VEGFA: variants seen among roughly 807,000 people sequenced by gnomAD.
VEGFA encodes the protein vascular endothelial growth factor A, also known as vascular endothelial growth factor A, long form.
VEGFA carries 20 observed loss-of-function variants against 49.7 expected under a neutral mutation model. The observed-to-expected ratio is 0.40, with a 90% CI of 0.28 to 0.58. The LOEUF (loss-of-function observed/expected upper bound fraction) is 0.58. VEGFA is among the 20% of genes least tolerant of loss of function. The probability of loss-of-function intolerance (pLI) is 0.40; values close to 1 mark genes in which losing one functional copy is unlikely to be tolerated. For missense variants in VEGFA, 505 were observed against 553.5 expected (o/e 0.91, Z 0.88); for synonymous variants, 219 against 223.4 (o/e 0.98, Z 0.18).
Position 43,785,351 on chromosome 6 carries a change from G to A in VEGFA, c.*789G>A, listed in dbSNP as rs750478984. 2 of 214,872 alleles carry A rather than the reference G, an allele frequency of 9.3e-6. No individual in the cohort carries two copies. The highest frequency in any genetic ancestry group is 1.9e-5 in the Non-Finnish European group (2 of 106,208). The allele number at this position is 214,872 out of a possible 1,614,324, so 13.3% of individuals were successfully genotyped here. A position where few individuals can be genotyped will look rare whatever the true frequency, so the allele number is the denominator to read the frequency against. ...GGAGTTTGGGGAGCTTCAGGACATT[G>A]CTGTGCTTTGGGGATTCCCTCCACA... On this transcript the variant is annotated 3_prime_UTR_variant, in exon 8 of 8. Transcript: ENST00000672860.
Position 43,770,731 on chromosome 6 carries a change from G to GC in VEGFA, c.30dup (p.Ser11GlnfsTer74). ...GCTGACGGACAGACAGACAGACACC[G>GC]CCCCCAGCCCCAGCTACCACCTCCT... On this transcript the variant is annotated frameshift_variant, in exon 1 of 8. Transcript: ENST00000672860. LOFTEE classifies it high-confidence loss of function. 1.3e-6 allele frequency: 2 copies of GC among 1,530,128 alleles called. No individual in the cohort carries two copies. Among genetic ancestry groups the GC allele is most frequent in the South Asian group, 2.4e-5 (2 of 82,034 alleles). The allele number at this position is 1,530,128 out of a possible 1,614,324, so 94.8% of individuals were successfully genotyped here. A position where few individuals can be genotyped will look rare whatever the true frequency, so the allele number is the denominator to read the frequency against.
At chr6:43,774,656 C>T (rs1025643032) in intron 2 of VEGFA, 45 of 563,162 alleles carry the variant, frequency 8.0e-5, no homozygotes, top group Admixed American at 4.2e-4. Context: ...AGGAGTCGTG[C>T]GCACAGAGCA....
Position 43,778,836 on chromosome 6 carries a change from AC to A in VEGFA, c.933-51del, listed in dbSNP as rs1387722161. 11 of 1,595,436 alleles carry A rather than the reference AC, an allele frequency of 6.9e-6. No individual in the cohort carries two copies. The African/African-American group carries it at 1.5e-4, about 21-fold the overall frequency. On this transcript the variant is annotated intron_variant, in intron 4 of 7. Coordinates refer to ENST00000672860, the MANE Select transcript of VEGFA (RefSeq NM_003376.6). ...TGTTGTTATCCCTATCATTATCATC[AC>A]CATCTTAACCCTTCCCTGTTTTGCT...
chr6:43,782,032 AAC>A lies in VEGFA; in HGVS notation c.1115_1116del (p.Thr372ArgfsTer10), dbSNP rs1767967158. 6.2e-7 allele frequency: 1 copy of A among 1,614,110 alleles called. No homozygotes were observed. Among genetic ancestry groups the A allele is most frequent in the Non-Finnish European group, 8.5e-7 (1 of 1,180,012 alleles). On this transcript the variant is annotated frameshift_variant, in exon 7 of 8. Coordinates refer to ENST00000672860, the MANE Select transcript of VEGFA (RefSeq NM_003376.6). LOFTEE classifies it high-confidence loss of function. ...GCAGACGTGTAAATGTTCCTGCAAA[AAC>A]ACAGACTCGCGTTGCAAGGCGAGGC...
intron 6 of VEGFA, chr6:43,781,111 C>T (rs1296618796): frequency 8.4e-6 from 5 of 593,204 alleles, no homozygotes; most frequent in Non-Finnish European, 1.5e-5. Flanking sequence ...TGGTGGCGGG[C>T]CCATGTTGGC....
At position 43,770,546 on chromosome 6, in the gene VEGFA, CCA is replaced by C. The variant is rs1200451854; in HGVS notation, c.-160_-159del. 2 of 1,327,860 alleles carry C rather than the reference CCA, an allele frequency of 1.5e-6. No homozygotes were observed. The highest frequency in any genetic ancestry group is 1.9e-6 in the Non-Finnish European group (2 of 1,043,604). 82.3% of individuals were successfully genotyped at this position (1,327,860 alleles called of 1,614,324 possible). ...AAAGAGGAAAGAGGTAGCAAGAGCT[CCA>C]GAGAGAAGTCGAGGAAGAGAGAGAC... On this transcript the variant is annotated 5_prime_UTR_variant, in exon 1 of 8. Coordinates refer to ENST00000672860, the MANE Select transcript of VEGFA (RefSeq NM_003376.6).
rs1324376559 is a variant in VEGFA, at chr6:43,770,893, C to T, written c.187C>T (p.Arg63Cys). 3 of 1,544,738 alleles carry T rather than the reference C, an allele frequency of 1.9e-6. No homozygotes were observed. The highest frequency in any genetic ancestry group is 1.7e-6 in the Non-Finnish European group (2 of 1,145,486). The change falls in exon 1 of 8, where the codon CGC becomes TGC. Residue 63 changes from arginine to cysteine, a missense_variant. Physicochemically the swap from Arg to Cys is radical, Grantham distance 180 (BLOSUM62 -3). Transcript: ENST00000672860. The stretch of plus-strand genomic sequence containing the variant: ...TTTCGTCCAACTTCTGGGCTGTTCT[C>T]GCTTCGGAGGAGCCGTGGTCCGCGC...
At position 43,784,985 on chromosome 6, in the gene VEGFA, A is replaced by G. The variant is rs937671499; in HGVS notation, c.*423A>G. ...TCTATTTTATATATATAAAATATAT[A>G]TATTCTTTTTTTAAATTAACAGTGC... is the stretch of plus-strand genomic sequence containing the variant. On this transcript the variant is annotated 3_prime_UTR_variant, in exon 8 of 8. Transcript: ENST00000672860. The G allele has an allele frequency of 3.4e-4, 60 of 177,604 alleles. No individual in the cohort carries two copies. Among genetic ancestry groups the G allele is most frequent in the African/African-American group, 1.4e-3 (59 of 41,858 alleles). The allele number at this position is 177,604 out of a possible 1,614,324, so 11.0% of individuals were successfully genotyped here.
rs1192227027 is a variant in VEGFA at position 43,777,118 on chromosome 6, A to C, written c.659-351A>C. On this transcript the variant is annotated intron_variant, in intron 2 of 7. Transcript: ENST00000672860. This position sits in a 1 kb window ranked among gnomAD's most constrained non-coding sequence, Gnocchi z 4.3. ...CTTCCTCCTTTTAGGGAAAGCTTAGAGCATCCCCATGGGGTATACCCATAC... is the reference window on the plus strand; with the variant it reads ...CTTCCTCCTTTTAGGGAAAGCTTAGCGCATCCCCATGGGGTATACCCATAC... 2.6e-6 allele frequency: 1 copy of C among 383,616 alleles called. No homozygotes were observed. Among genetic ancestry groups the C allele is most frequent in the Non-Finnish European group, 5.0e-6 (1 of 198,576 alleles). The allele number at this position is 383,616 out of a possible 1,614,324, so 23.8% of individuals were successfully genotyped here.
chr6:43,774,513 CAAGA>C (rs1764661285), intron 2 of VEGFA, 121 bp downstream of exon 2: 7 of 1,235,824 alleles, frequency 5.7e-6, no homozygotes, highest in Middle Eastern at 1.9e-4. Context: ...ATATAAGGAT[CAAGA>C]AAGAAAGAGC....
At chr6:43,779,887 G>C (rs1766826673) in intron 5 of VEGFA, 5 of 339,356 alleles carry the variant, frequency 1.5e-5, no homozygotes, top group South Asian at 9.0e-5. Flanking sequence ...ACAGGCTACA[G>C]CCTGCCCCCC....
At position 43,777,587 on chromosome 6, in the gene VEGFA, C is replaced by T; in HGVS notation, c.777C>T (p.Pro259=). ...ACATCTTCAAGCCATCCTGTGTGCCCCTGATGCGATGCGGGGGCTGCTGCA... is the reference window on the plus strand; with the variant it reads ...ACATCTTCAAGCCATCCTGTGTGCCTCTGATGCGATGCGGGGGCTGCTGCA... The change falls in exon 3 of 8, where the codon CCC becomes CCT. Residue 259 remains proline, a synonymous_variant. Transcript: ENST00000672860. The surrounding 1 kb of genome is among the most constrained non-coding windows in gnomAD (Gnocchi z 4.3). The T allele has an allele frequency of 6.2e-7, 1 of 1,614,010 alleles. No homozygotes were observed. Among genetic ancestry groups the T allele is most frequent in the South Asian group, 1.1e-5 (1 of 91,068 alleles).
intron 5 of VEGFA, chr6:43,779,336 A>G: frequency 2.7e-6 from 1 of 376,064 alleles, no homozygotes; most frequent in South Asian, 2.6e-5. Context: ...GTGACGGTGC[A>G]GTTGGATGCG....
chr6:43,781,142 C>G (rs944153773), intron 6 of VEGFA: 1 of 538,690 alleles, frequency 1.9e-6, no homozygotes, highest in African/African-American at 1.9e-5. Context: ...GCTCACCCAA[C>G]TGGTTTCCAT....
At chr6:43,781,328 T>C (rs981203582) in intron 6 of VEGFA, 28 of 275,526 alleles carry the variant, frequency 1.0e-4, no homozygotes, top group Non-Finnish European at 1.8e-4. Flanking sequence ...GGAAGTGCCC[T>C]GGCTCCTCAC....
At position 43,780,682 on chromosome 6, in the gene VEGFA, T is replaced by TCCC; in HGVS notation, c.963-46_963-44dup. ...CTGCCCACCTTACCACTTCTTTTACTCCCCCCACCGCCCCCGCTCTCTCTC... is the reference window on the plus strand; with the variant it reads ...CTGCCCACCTTACCACTTCTTTTACTCCCCCCCCCACCGCCCCCGCTCTCTCTC... On this transcript the variant is annotated intron_variant, in intron 5 of 7. Coordinates refer to ENST00000672860, the MANE Select transcript of VEGFA (RefSeq NM_003376.6). The TCCC allele has an allele frequency of 2.5e-6, 4 of 1,580,976 alleles. No individual in the cohort carries two copies. In the Admixed American group the frequency reaches 5.1e-5, roughly 20 times the overall value.
In VEGFA at chr6:43,773,970, A is replaced by G. The variant is rs1764454701; in HGVS notation, c.607-371A>G. ...CAAATTTGTCCTCCTATTTGACCTT[A>G]ATACTTACCATGGCTTTGGACCAGG... On this transcript the variant is annotated intron_variant, in intron 1 of 7. Transcript: ENST00000672860. The surrounding 1 kb of genome is among the most constrained non-coding windows in gnomAD (Gnocchi z 5.6). 3.0e-6 allele frequency: 1 copy of G among 334,374 alleles called. No individual in the cohort carries two copies. The highest frequency in any genetic ancestry group is 3.8e-5 in the Admixed American group (1 of 26,550). 20.7% of individuals were successfully genotyped at this position (334,374 alleles called of 1,614,324 possible).
chr6:43,770,278 G>C lies in VEGFA; in HGVS notation c.-429G>C, dbSNP rs1763199867. On this transcript the variant is annotated 5_prime_UTR_variant, in exon 1 of 8. Transcript: ENST00000672860. ...TGGGGGCTAGCACCAGCGCTCTGTC[G>C]GGAGGCGCAGCGGTTAGGTGGACCG... is the stretch of plus-strand genomic sequence containing the variant. 3 of 258,192 alleles carry C rather than the reference G, an allele frequency of 1.2e-5. No individual in the cohort carries two copies. Among genetic ancestry groups the C allele is most frequent in the African/African-American group, 6.5e-5 (3 of 46,000 alleles). 16.0% of individuals were successfully genotyped at this position (258,192 alleles called of 1,614,324 possible). A position where few individuals can be genotyped will look rare whatever the true frequency, so the allele number is the denominator to read the frequency against.
chr6:43,770,560 A>G lies in VEGFA; in HGVS notation c.-147A>G. The G allele has an allele frequency of 7.4e-7, 1 of 1,342,546 alleles. No homozygotes were observed. The highest frequency in any genetic ancestry group is 9.5e-7 in the Non-Finnish European group (1 of 1,052,950). The allele number at this position is 1,342,546 out of a possible 1,614,324, so 83.2% of individuals were successfully genotyped here. A position where few individuals can be genotyped will look rare whatever the true frequency, so the allele number is the denominator to read the frequency against. On this transcript the variant is annotated 5_prime_UTR_variant, in exon 1 of 8. Transcript: ENST00000672860. Reference sequence around the variant, plus strand: ...TAGCAAGAGCTCCAGAGAGAAGTCGAGGAAGAGAGAGACGGGGTCAGAGAG... The same window carrying G: ...TAGCAAGAGCTCCAGAGAGAAGTCGGGGAAGAGAGAGACGGGGTCAGAGAG...
Sources: allele counts gnomAD v4.1 joint callset, GRCh38; gene constraint gnomAD v4.1.1; non-coding constraint Gnocchi (gnomAD v3.1); transcripts MANE v1.5; gene names NCBI Gene and HGNC (gene_info 2026-07-23, HGNC 2026-07-21).